The following NEBL variants were observed in gnomAD, a reference collection of about 807,000 sequenced individuals.
NEBL encodes the protein nebulette.
Under a neutral mutation model 140.2 loss-of-function variants are expected in NEBL, and 122 were observed. The ratio of observed to expected loss-of-function variants is 0.87; its 90% CI spans 0.75 to 1.01. NEBL has a LOEUF of 1.01. NEBL is among the 50% of genes least tolerant of loss of function. The probability of loss-of-function intolerance (pLI) is 0.00; values close to 1 mark genes in which losing one functional copy is unlikely to be tolerated. For missense variants in NEBL, 1,365 were observed against 1,231.3 expected (o/e 1.11, Z -1.62); for synonymous variants, 436 against 398.9 (o/e 1.09, Z -1.11).
chr10:21,218,901 C>T (rs567721920), intron 3 of NEBL, among the ~76,000 whole-genome samples: 2 of 152,342 alleles, frequency 1.3e-5, no homozygotes, highest in South Asian at 4.1e-4. Flanking sequence ...ATTCATTTTG[C>T]TGACCCTCCA....
In NEBL at chr10:21,173,426, G is replaced by A. The variant is rs1841171719; in HGVS notation, c.69+339C>T. Among the ~76,000 whole-genome samples the A allele has an allele frequency of 1.3e-5, 2 of 151,982 alleles. No homozygotes were observed. The highest frequency in any genetic ancestry group is 2.4e-5 in the African/African-American group (1 of 41,410). On this transcript the variant is annotated intron_variant, in intron 1 of 6. Transcript: ENST00000417816. This position sits in a 1 kb window ranked among gnomAD's most constrained non-coding sequence, Gnocchi z 5.7. ...GTATTGTGGAACACGAGTGGAGGTG[G>A]AGGGGGCGCGGCTCGCCGAAGTGCC... is the stretch of plus-strand genomic sequence containing the variant.
Position 20,812,848 on chromosome 10 carries a change from G to A in NEBL, c.2439C>T (p.Thr813=), listed in dbSNP as rs757884238. 12 of 1,613,810 alleles carry A rather than the reference G, an allele frequency of 7.4e-6. No homozygotes were observed. Among genetic ancestry groups the A allele is most frequent in the African/African-American group, 2.7e-5 (2 of 74,860 alleles). Residue 813 remains threonine, a synonymous_variant, in exon 24 of 28, where the codon ACC becomes ACT. Coordinates refer to ENST00000377122, the MANE Select transcript of NEBL (RefSeq NM_006393.3). ...DPVTERVRKN[T]QVVSDAAYKG... is the part of the protein sequence containing the mutation. ...TATAGGCAGCATCGCTGACCACCTG[G>A]GTGTTCTTCCTCACTCTCTCTGTCA...
chr10:20,840,378 G>A (rs1270876304), intron 13 of NEBL, among the ~76,000 whole-genome samples: 1 of 152,146 alleles, frequency 6.6e-6, no homozygotes, highest in Admixed American at 6.5e-5. Context: ...GGGAGAGTCA[G>A]TTGGGTTATG....
chr10:20,860,669 G>A (rs1008583543), intron 7 of NEBL, among the ~76,000 whole-genome samples: 6 of 150,214 alleles, frequency 4.0e-5, no homozygotes, highest in Non-Finnish European at 7.4e-5. Flanking sequence ...AAAGTAAGCT[G>A]TTTTGTTCTC....
chr10:20,899,016 G>T (rs764147), upstream of NEBL, among the ~76,000 whole-genome samples: 4,858 of 152,252 alleles, frequency 0.032, 238 homozygotes, highest in African/African-American at 0.1. Flanking sequence ...CCTCAAGCAT[G>T]CTGAACTTGG....
At chr10:20,945,181 G>A (rs1412768440) in intron 4 of NEBL, among the ~76,000 whole-genome samples, 1 of 152,104 alleles carries the variant, frequency 6.6e-6, no homozygotes, top group Non-Finnish European at 1.5e-5. Flanking sequence ...ATTCACCACT[G>A]CCAAGTCAGT....
At chr10:21,224,693 C>T (rs1842120597) in intron 3 of NEBL, among the ~76,000 whole-genome samples, 1 of 152,124 alleles carries the variant, frequency 6.6e-6, no homozygotes, top group South Asian at 2.1e-4. Flanking sequence ...TAATGTTTTA[C>T]AGTTTTCATT....
intron 3 of NEBL, among the ~76,000 whole-genome samples, chr10:20,975,533 T>A (rs531938434): frequency 6.6e-6 from 1 of 152,228 alleles, no homozygotes; most frequent in African/African-American, 2.4e-5. Context: ...GGATTGTGTA[T>A]GTTTCATTTC....
intron 3 of NEBL, among the ~76,000 whole-genome samples, chr10:21,184,787 G>A (rs750547317): frequency 6.6e-6 from 1 of 152,046 alleles, no homozygotes; most frequent in East Asian, 1.9e-4. Flanking sequence ...AAGCGAAAAA[G>A]GTTATAAAAA....
intron 2 of NEBL, among the ~76,000 whole-genome samples, chr10:20,895,825 A>T (rs1204356283): frequency 6.6e-6 from 1 of 152,236 alleles, no homozygotes; most frequent in African/African-American, 2.4e-5. Flanking sequence ...AGGAAGTAAC[A>T]GACAGAGTAG....
intron 2 of NEBL, among the ~76,000 whole-genome samples, chr10:21,084,281 T>C (rs939023169): frequency 1.4e-4 from 22 of 152,272 alleles, no homozygotes; most frequent in African/African-American, 5.3e-4. Context: ...CATTGTTGCC[T>C]CATTCACAGA....
intron 2 of NEBL, among the ~76,000 whole-genome samples, chr10:21,165,158 C>G (rs2132163708): frequency 6.6e-6 from 1 of 152,322 alleles, no homozygotes; most frequent in Middle Eastern, 3.4e-3. Flanking sequence ...CATTTAATCT[C>G]TATAAAGTCC....
intron 10 of NEBL, 83 bp from the exon 11 acceptor site, chr10:20,850,585 CTA>C (rs1842413725): frequency 4.5e-6 from 4 of 889,062 alleles, no homozygotes; most frequent in Non-Finnish European, 7.3e-6. Flanking sequence ...ATGTTCTAAA[CTA>C]GTCATCTTGT....
At chr10:21,140,860 A>G (rs1182814539) in intron 2 of NEBL, among the ~76,000 whole-genome samples, 9 of 152,042 alleles carry the variant, frequency 5.9e-5, no homozygotes, top group African/African-American at 1.9e-4. Context: ...TAAAACCTAG[A>G]TGGTGGGTTG....
intron 1 of NEBL, among the ~76,000 whole-genome samples, chr10:21,278,957 C>T (rs1842957774): frequency 6.6e-6 from 1 of 152,152 alleles, no homozygotes; most frequent in South Asian, 2.1e-4. Context: ...GGCCCTGCAC[C>T]TCCAGAATCT....
At chr10:21,274,726 TATACACTATATTCTTACA>T (rs963895769) in intron 1 of NEBL, among the ~76,000 whole-genome samples, 5 of 152,080 alleles carry the variant, frequency 3.3e-5, no homozygotes, top group African/African-American at 1.2e-4. Flanking sequence ...ACACCCAGCC[TATACACTATATTCTTACA>T]ATACAGTATG....
intron 2 of NEBL, among the ~76,000 whole-genome samples, chr10:21,046,648 T>A (rs1834526479): frequency 6.6e-6 from 1 of 152,208 alleles, no homozygotes; most frequent in Non-Finnish European, 1.5e-5. Flanking sequence ...TCGCCCAGGC[T>A]GGAGTGCAGT....
chr10:20,930,566 T>C (rs1280498892), intron 4 of NEBL, among the ~76,000 whole-genome samples: 1 of 152,244 alleles, frequency 6.6e-6, no homozygotes, highest in Non-Finnish European at 1.5e-5. Flanking sequence ...TGGCCCTGCC[T>C]AGTCTCTCCT....
At chr10:21,103,445 C>G (rs1469647971) in intron 2 of NEBL, among the ~76,000 whole-genome samples, 1 of 152,152 alleles carries the variant, frequency 6.6e-6, no homozygotes, top group Admixed American at 6.5e-5. Flanking sequence ...CATCTCCTCA[C>G]CTCCTGATCC....
Sources: gnomAD v4.1 joint callset for allele counts (sites outside exome capture counted in the v4.1 genomes callset) on GRCh38, gnomAD v4.1.1 for gene constraint, Gnocchi (gnomAD v3.1) non-coding constraint, MANE v1.5 for transcripts, NCBI Gene and HGNC (gene_info 2026-07-23, HGNC 2026-07-21) for gene names.